The following PCNT variants were observed in gnomAD, a reference collection of about 807,000 sequenced individuals.
PCNT encodes pericentrin.
Under a neutral mutation model 380.4 loss-of-function variants are expected in PCNT, and 319 were observed. The observed-to-expected ratio is 0.84, with a 90% confidence interval of 0.77 to 0.92. PCNT has a LOEUF of 0.92. Ranked by LOEUF, PCNT falls within the 40% of genes least tolerant of loss-of-function variation. The pLI is 0.00. For missense variants in PCNT, 4,400 were observed against 4,255.3 expected (o/e 1.03, Z -0.95); for synonymous variants, 1,845 against 1,735.2 (o/e 1.06, Z -1.57).
chr21:46,427,312 C>T (rs1166609189), intron 33 of PCNT, among the ~76,000 whole-genome samples: 2 of 152,214 alleles, frequency 1.3e-5, no homozygotes, highest in African/African-American at 4.8e-5. Context: ...GCTGCCGTAA[C>T]AGAACACCCC....
At chr21:46,358,393 A>G (rs545562984) in intron 13 of PCNT, among the ~76,000 whole-genome samples, 2 of 152,366 alleles carry the variant, frequency 1.3e-5, no homozygotes, top group Non-Finnish European at 2.9e-5. Context: ...ATAGGAAGCT[A>G]TGATGACCTG....
In PCNT at chr21:46,382,354, A is replaced by T. The variant is rs1334393133; in HGVS notation, c.3312+514A>T. ...TTGTATATTCAGTGGCGGAAGCGCA[A>T]TCACAGTGTTGTATATTCAGTGACG... On this transcript the variant is annotated intron_variant, in intron 16 of 46. Transcript: ENST00000359568. 1.9e-3 allele frequency among the ~76,000 whole-genome samples: 196 copies of T among 105,408 alleles called. 1 individual carries two copies. The highest frequency in any genetic ancestry group is 0.017 in the Middle Eastern group (2 of 116). The allele number at this position is 105,408 out of a possible 152,430, so 69.2% of individuals were successfully genotyped here. A position where few individuals can be genotyped will look rare whatever the true frequency, so the allele number is the denominator to read the frequency against.
chr21:46,354,738 G>A (rs888605364), intron 11 of PCNT, among the ~76,000 whole-genome samples: 1 of 152,192 alleles, frequency 6.6e-6, no homozygotes. Flanking sequence ...CCCTCACTCT[G>A]GAGCAGGGTC....
intron 8 of PCNT, among the ~76,000 whole-genome samples, chr21:46,350,517 A>G (rs2084228648): frequency 6.6e-6 from 1 of 152,228 alleles, no homozygotes; most frequent in African/African-American, 2.4e-5. Flanking sequence ...AGGCCTGACA[A>G]ACCTGAGACT....
rs909022570 is a variant in PCNT at position 46,359,418 on chromosome 21, G to C, written c.2154+2227G>C. 5.1e-5 allele frequency among the ~76,000 whole-genome samples: 7 copies of C among 137,218 alleles called. 2 individuals carry two copies. Among genetic ancestry groups the C allele is most frequent in the East Asian group, 2.0e-4 (1 of 4,916 alleles). 90.0% of individuals were successfully genotyped at this position (137,218 alleles called of 152,430 possible). ...GTTACACGTGTACACATTTGTGATT[G>C]TAATGTCTTCCTAAAAATTCACCCT... On this transcript the variant is annotated intron_variant, in intron 13 of 46. Transcript: ENST00000359568.
At chr21:46,414,874 A>G (rs2086959874) in intron 29 of PCNT, among the ~76,000 whole-genome samples, 1 of 151,462 alleles carries the variant, frequency 6.6e-6, no homozygotes. Flanking sequence ...CCTGCTGGAC[A>G]CACAGCCACC....
intron 13 of PCNT, among the ~76,000 whole-genome samples, chr21:46,359,422 T>C (rs1294641040): frequency 7.0e-6 from 1 of 143,246 alleles, no homozygotes; most frequent in East Asian, 1.9e-4. Context: ...GTGATTGTAA[T>C]GTCTTCCTAA....
Position 46,363,880 on chromosome 21 carries a change from C to T in PCNT, c.2555C>T (p.Ala852Val). 6.2e-7 allele frequency: 1 copy of T among 1,612,212 alleles called. No homozygotes were observed. The highest frequency in any genetic ancestry group is 8.5e-7 in the Non-Finnish European group (1 of 1,179,528). ...EPPTAQDGEL[A>V]ALHVKEDCAL... is the part of the protein sequence containing the mutation. ...CCCACAGCCCAGGACGGGGAGCTTG[C>T]TGCGCTCCACGTGAAGGAAGACTGC... The change falls in exon 14 of 47, where the codon GCT becomes GTT. Residue 852 changes from alanine (A) to valine (V), a missense_variant. By Grantham distance (64) the Ala-to-Val change is moderately conservative. Coordinates refer to ENST00000359568, the MANE Select transcript of PCNT (RefSeq NM_006031.6).
intron 38 of PCNT, 134 bp from the exon 39 acceptor site, chr21:46,435,770 C>G (rs944971111): frequency 2.2e-6 from 2 of 923,914 alleles, no homozygotes; most frequent in Admixed American, 1.9e-5. Context: ...TCTCAATCTC[C>G]TGACCTCATG....
chr21:46,374,453 G>A (rs1398327495), intron 15 of PCNT, among the ~76,000 whole-genome samples: 1 of 152,130 alleles, frequency 6.6e-6, no homozygotes, highest in Non-Finnish European at 1.5e-5. Context: ...TCCTGCAAGC[G>A]TGTTGGTAGA....
intron 27 of PCNT, among the ~76,000 whole-genome samples, chr21:46,402,890 TAAG>T (rs1037663900): frequency 3.9e-5 from 6 of 152,346 alleles, no homozygotes; most frequent in Middle Eastern, 3.4e-3. Flanking sequence ...AAAAAAATCT[TAAG>T]AACAAATTTT....
At chr21:46,396,462 G>T (rs910632460) in intron 21 of PCNT, among the ~76,000 whole-genome samples, 1 of 152,214 alleles carries the variant, frequency 6.6e-6, no homozygotes, top group Non-Finnish European at 1.5e-5. Context: ...GCTTATTGAG[G>T]CATTAAAACT....
intron 40 of PCNT, among the ~76,000 whole-genome samples, chr21:46,437,484 G>A (rs958660384): frequency 6.6e-6 from 1 of 152,164 alleles, no homozygotes; most frequent in Admixed American, 6.5e-5. Context: ...GCTGGCGGCC[G>A]ATGTTCACCT....
At chr21:46,331,419 T>G (rs1179341678) in intron 2 of PCNT, among the ~76,000 whole-genome samples, 1 of 152,216 alleles carries the variant, frequency 6.6e-6, no homozygotes, top group Non-Finnish European at 1.5e-5. Context: ...GTGGTAAATA[T>G]TCAGGATTCG....
rs906144377 is a variant in PCNT, at chr21:46,371,849, T to C, written c.3165+4710T>C. 4.2e-5 allele frequency among the ~76,000 whole-genome samples: 6 copies of C among 144,190 alleles called. No individual in the cohort carries two copies. The South Asian group carries it at 8.9e-4, about 21-fold the overall frequency. The allele number at this position is 144,190 out of a possible 152,430, so 94.6% of individuals were successfully genotyped here. ...ATGCAGACACAGCACATACAGCACATGTGCACACAGCATGTGTGCACACAC... is the reference window on the plus strand; with the variant it reads ...ATGCAGACACAGCACATACAGCACACGTGCACACAGCATGTGTGCACACAC... On this transcript the variant is annotated intron_variant, in intron 15 of 46. Transcript: ENST00000359568.
chr21:46,347,641 G>A (rs1050054266), intron 6 of PCNT, 129 bp downstream of exon 6: 2 of 839,422 alleles, frequency 2.4e-6, no homozygotes, highest in South Asian at 1.4e-5. Flanking sequence ...GAATATGCTG[G>A]TTGAAAGTGT....
chr21:46,445,326 G>A lies in PCNT; in HGVS notation c.10010G>A (p.Ter3337=). 1 of 1,602,412 alleles carries A rather than the reference G, an allele frequency of 6.2e-7. No homozygotes were observed. The highest frequency in any genetic ancestry group is 8.6e-7 in the Non-Finnish European group (1 of 1,169,284). Residue 3337 remains the stop codon, a stop_retained_variant, in exon 47 of 47, where the codon TGA becomes TAA. Transcript: ENST00000359568. ...TCCTGCCACCCGATGATTAAACAGT[G>A]AATAAAATGTCATGGCTCTTTCCTG... ...KKSCHPMIKQ[*]
chr21:46,373,975 G>A (rs561476967), intron 15 of PCNT, among the ~76,000 whole-genome samples: 9 of 152,130 alleles, frequency 5.9e-5, no homozygotes, highest in South Asian at 2.1e-4. Flanking sequence ...TGATCTGTCC[G>A]TCTTGGCCTC....
At chr21:46,343,023 C>T (rs374164879) in intron 3 of PCNT, among the ~76,000 whole-genome samples, 5 of 152,270 alleles carry the variant, frequency 3.3e-5, no homozygotes, top group African/African-American at 1.2e-4. Context: ...ATTTCGTGTC[C>T]TGAAACTTTA....
Sources: allele counts gnomAD v4.1 joint callset (sites outside exome capture counted in the v4.1 genomes callset), GRCh38; gene constraint gnomAD v4.1.1; transcripts MANE v1.5; gene names NCBI Gene and HGNC (gene_info 2026-07-23, HGNC 2026-07-21).